PLCZ1: variants seen among roughly 807,000 people sequenced by gnomAD.
PLCZ1 encodes 1-phosphatidylinositol 4,5-bisphosphate phosphodiesterase zeta-1.
PLCZ1 carries 64 observed loss-of-function variants against 76.8 expected under a neutral mutation model. The ratio of observed to expected loss-of-function variants is 0.83; its 90% CI spans 0.68 to 1.03. PLCZ1 has a LOEUF of 1.03. Ranked by LOEUF, PLCZ1 falls within the 50% of genes least tolerant of loss-of-function variation. The pLI is 0.00. For missense variants in PLCZ1, 751 were observed against 713.7 expected, an observed-to-expected ratio of 1.05 and a Z score of -0.60; for synonymous variants, 248 against 230.8, an observed-to-expected ratio of 1.07 and a Z score of -0.68.
chr12:18,646,854 T>C, the PLCZ1 span, among the ~76,000 whole-genome samples: 2 of 152,022 alleles, frequency 1.3e-5, no homozygotes, highest in Admixed American at 1.3e-4. Flanking sequence ...AGGTTGCCGA[T>C]GGACCTGTAA....
intron 6 of PLCZ1, among the ~76,000 whole-genome samples, chr12:18,712,263 T>C (rs1183941726): frequency 1.3e-5 from 2 of 152,136 alleles, no homozygotes; most frequent in African/African-American, 2.4e-5. Flanking sequence ...TTAGAACTCC[T>C]TAACATTGAG....
At chr12:18,670,413 C>T in the PLCZ1 span, among the ~76,000 whole-genome samples, 2 of 152,090 alleles carry the variant, frequency 1.3e-5, no homozygotes, top group East Asian at 1.9e-4. Flanking sequence ...AGTTCAGCAA[C>T]CTCCTTTTTA....
intron 3 of PLCZ1, among the ~76,000 whole-genome samples, chr12:18,733,246 A>C (rs1348467844): frequency 2.6e-5 from 4 of 152,178 alleles, no homozygotes. Flanking sequence ...CCATTTGTAT[A>C]GCTTCTTTAG....
the PLCZ1 span, among the ~76,000 whole-genome samples, chr12:18,652,474 CTTGGACTT>C: frequency 7.2e-5 from 11 of 152,152 alleles, no homozygotes; most frequent in African/African-American, 2.7e-4. Flanking sequence ...AACCATTGAT[CTTGGACTT>C]ACAGCCTCCA....
the PLCZ1 span, among the ~76,000 whole-genome samples, chr12:18,652,441 C>T: frequency 1.2e-4 from 18 of 152,232 alleles, no homozygotes; most frequent in African/African-American, 4.1e-4. Context: ...AGAGATTCTT[C>T]CCCACAGCTC....
chr12:18,693,187 C>T (rs1253250244), intron 12 of PLCZ1: 20 of 1,559,290 alleles, frequency 1.3e-5, no homozygotes, highest in Non-Finnish European at 5.3e-6. Flanking sequence ...AGCATTCTTT[C>T]ATTTGCAGAC....
chr12:18,697,734 A>G (rs1230986571), intron 10 of PLCZ1, among the ~76,000 whole-genome samples: 1 of 151,928 alleles, frequency 6.6e-6, no homozygotes, highest in African/African-American at 2.4e-5. Flanking sequence ...CCTTTCACAA[A>G]CCGTTATCTT....
chr12:18,720,043 C>T (rs534427927), intron 4 of PLCZ1, among the ~76,000 whole-genome samples: 8 of 152,042 alleles, frequency 5.3e-5, no homozygotes, highest in African/African-American at 1.9e-4. Flanking sequence ...ATCAACTGAT[C>T]TGACTTCGAA....
At chr12:18,733,328 G>T (rs918280724) in intron 3 of PLCZ1, among the ~76,000 whole-genome samples, 2 of 152,108 alleles carry the variant, frequency 1.3e-5, no homozygotes, top group African/African-American at 4.8e-5. Context: ...ATGGAGTTGT[G>T]GGATTCAATT....
Position 18,734,682 on chromosome 12 carries a change from G to A in PLCZ1, c.135+1539C>T, listed in dbSNP as rs138005281. Among the ~76,000 whole-genome samples, 555 of 152,234 alleles carry A rather than the reference G, an allele frequency of 3.6e-3. 2 individuals carry two copies. Among genetic ancestry groups the A allele is most frequent in the African/African-American group, 0.013 (531 of 41,554 alleles). ...TAGTTTGTTAACAAAATCTTCAGGAGTTTCTACATGTAAGATTGTGCCATC... is the reference window on the plus strand; with the variant it reads ...TAGTTTGTTAACAAAATCTTCAGGAATTTCTACATGTAAGATTGTGCCATC... On this transcript the variant is annotated intron_variant, in intron 3 of 14. Transcript: ENST00000266505.
At chr12:18,672,996 C>T in the PLCZ1 span, among the ~76,000 whole-genome samples, 4 of 152,084 alleles carry the variant, frequency 2.6e-5, no homozygotes, top group East Asian at 5.8e-4. Context: ...CAGATTGGTA[C>T]ATGACACAAA....
chr12:18,736,783 A>G (rs1959347196), intron 2 of PLCZ1: 1 of 767,690 alleles, frequency 1.3e-6, no homozygotes, highest in Non-Finnish European at 2.0e-6. Context: ...TGAATTCCTA[A>G]TATGCCACCG....
Position 18,688,134 on chromosome 12 carries a change from G to A in PLCZ1, c.1546C>T (p.Pro516Ser), listed in dbSNP as rs757089938. 6.2e-7 allele frequency: 1 copy of A among 1,611,180 alleles called. No homozygotes were observed. Among genetic ancestry groups the A allele is most frequent in the Non-Finnish European group, 8.5e-7 (1 of 1,178,946 alleles). Reference sequence around the variant, plus strand: ...GTCTGCTGCTTCATTTGATCATTTGGAACACCAAAAACTTCTATAATTACT... The same window carrying A: ...GTCTGCTGCTTCATTTGATCATTTGAAACACCAAAAACTTCTATAATTACT... ...SLVIIEVFGVPNDQMKQQTRV... is the reference protein window; with the variant it reads ...SLVIIEVFGVSNDQMKQQTRV... The change falls in exon 13 of 15, where the codon CCA becomes TCA. Residue 516 changes from proline (P) to serine (S), a missense_variant. Coordinates refer to ENST00000266505, the MANE Select transcript of PLCZ1 (RefSeq NM_033123.4).
the PLCZ1 span, among the ~76,000 whole-genome samples, chr12:18,649,027 A>G: frequency 6.6e-6 from 1 of 152,090 alleles, no homozygotes; most frequent in Non-Finnish European, 1.5e-5. Context: ...TTATTTGAGT[A>G]TGTGATATGA....
intron 6 of PLCZ1, among the ~76,000 whole-genome samples, chr12:18,710,151 T>C (rs771000722): frequency 6.7e-6 from 1 of 149,452 alleles, no homozygotes; most frequent in Non-Finnish European, 1.5e-5. Flanking sequence ...ATAGAAAGCA[T>C]TGCATTTTGT....
chr12:18,709,231 T>C (rs983810581), intron 6 of PLCZ1, among the ~76,000 whole-genome samples: 1 of 141,244 alleles, frequency 7.1e-6, no homozygotes, highest in Non-Finnish European at 1.5e-5. Context: ...TTCTTTAGCA[T>C]GTCGAAATTC....
chr12:18,675,686 A>C, the PLCZ1 span, among the ~76,000 whole-genome samples: 1 of 152,190 alleles, frequency 6.6e-6, no homozygotes, highest in South Asian at 2.1e-4. Flanking sequence ...GGAATACTAC[A>C]TAGCCAGGAA....
chr12:18,689,936 GAC>G, intron 12 of PLCZ1, among the ~76,000 whole-genome samples: 3 of 152,082 alleles, frequency 2.0e-5, no homozygotes, highest in Non-Finnish European at 2.9e-5. Flanking sequence ...AACAGAGAAA[GAC>G]CCACATGGCC....
chr12:18,685,664 A>G (rs1208917142), intron 13 of PLCZ1: 2 of 516,388 alleles, frequency 3.9e-6, no homozygotes, highest in Non-Finnish European at 7.7e-6. Flanking sequence ...TTGACCTAAG[A>G]AGAGAAATAA....
Sources: gnomAD v4.1 joint callset for allele counts (sites outside exome capture counted in the v4.1 genomes callset) on GRCh38, gnomAD v4.1.1 for gene constraint, MANE v1.5 for transcripts, NCBI Gene and HGNC (gene_info 2026-07-23, HGNC 2026-07-21) for gene names.